The following SNRNP200 variants were observed in gnomAD, a reference collection of about 807,000 sequenced individuals.
SNRNP200 encodes the protein U5 small nuclear ribonucleoprotein 200 kDa helicase.
Under a neutral mutation model 255.2 loss-of-function variants are expected in SNRNP200, and 66 were observed. That is an observed-to-expected ratio of 0.26 (90% CI 0.21 to 0.32). The LOEUF (loss-of-function observed/expected upper bound fraction) is 0.32. Ranked by LOEUF, SNRNP200 falls within the 10% of genes least tolerant of loss-of-function variation. The pLI is 1.00. For synonymous variants in SNRNP200, 939 were observed against 1,027.8 expected (o/e 0.91, Z 1.65); for missense variants, 1,585 against 2,749.8 (o/e 0.58, Z 9.47).
Position 96,290,847 on chromosome 2 carries a change from C to T in SNRNP200, c.2422-32G>A. The T allele has an allele frequency of 6.2e-7, 1 of 1,613,808 alleles. No homozygotes were observed. Among genetic ancestry groups the T allele is most frequent in the African/African-American group, 1.3e-5 (1 of 75,042 alleles). On this transcript the variant is annotated intron_variant, in intron 18 of 44. Transcript: ENST00000323853. The surrounding 1 kb of genome is among the most constrained non-coding windows in gnomAD (Gnocchi z 4.5). The stretch of plus-strand genomic sequence containing the variant: ...AGGCAAAACAAGGTAATGAGGAGAA[C>T]AGATGCCATCACCAGGGGTTAATAT...
chr2:96,287,185 G>GCT lies in SNRNP200; in HGVS notation c.3485-27_3485-26dup. The GCT allele has an allele frequency of 6.2e-7, 1 of 1,614,046 alleles. No homozygotes were observed. Among genetic ancestry groups the GCT allele is most frequent in the Non-Finnish European group, 8.5e-7 (1 of 1,179,944 alleles). On this transcript the variant is annotated intron_variant, in intron 26 of 44. Coordinates refer to ENST00000323853, the MANE Select transcript of SNRNP200 (RefSeq NM_014014.5). This position sits in a 1 kb window ranked among gnomAD's most constrained non-coding sequence, Gnocchi z 5.7. ...CCTACAAGGAAATGAGAGTACTGAGGCTGCAGCCCAGCCTGCCTACTATAC... is the reference window on the plus strand; with the variant it reads ...CCTACAAGGAAATGAGAGTACTGAGGCTCTGCAGCCCAGCCTGCCTACTATAC...
At position 96,275,207 on chromosome 2, in the gene SNRNP200, C is replaced by T. The variant is rs114931409; in HGVS notation, c.6267+50G>A. On this transcript the variant is annotated intron_variant, in intron 44 of 44. Coordinates refer to ENST00000323853, the MANE Select transcript of SNRNP200 (RefSeq NM_014014.5). ...TGAGCATGGACACAGGAAGCATTCT[C>T]ACCCTTCCCCCATGCCAGAACAAAT... 293 of 1,614,156 alleles carry T rather than the reference C, an allele frequency of 1.8e-4. No individual in the cohort carries two copies. The African/African-American group carries it at 3.7e-3, about 20-fold the overall frequency.
In SNRNP200 at chr2:96,289,069, C is replaced by G; in HGVS notation, c.3142G>C (p.Val1048Leu). The change falls in exon 23 of 45, where the codon GTA becomes CTA. Residue 1048 changes from valine (V) to leucine (L), a missense_variant. By Grantham distance (32) the Val-to-Leu change is conservative (BLOSUM62 1). Around this residue, in one of 9 missense-constraint regions of SNRNP200, gnomAD observed 719 missense variants for 1,091.1 expected, o/e 0.66. Transcript: ENST00000323853. ...CTGGGTTCCTCAATGCTCTCCTTTA[C>G]AGGGATAGGCACCCTCTCCAGCAAC... ...QKLLERVPIP[V>L]KESIEEPSAK... The G allele has an allele frequency of 6.2e-7, 1 of 1,613,142 alleles. No individual in the cohort carries two copies. Among genetic ancestry groups the G allele is most frequent in the Non-Finnish European group, 8.5e-7 (1 of 1,179,634 alleles).
At chr2:96,299,015 G>C (rs375684008) in intron 6 of SNRNP200, 48 bp from the exon 7 acceptor site, 1 of 1,609,720 alleles carries the variant, frequency 6.2e-7, no homozygotes. Flanking sequence ...TGCCAGCCTC[G>C]ATCACTTTGC....
At chr2:96,303,354 T>G in intron 2 of SNRNP200, 24 bp from the exon 3 acceptor site, 2 of 1,613,904 alleles carry the variant, frequency 1.2e-6, no homozygotes, top group African/African-American at 2.7e-5. Flanking sequence ...AATGTGATAT[T>G]GAATGGCAGA....
rs1049414980 is a variant in SNRNP200, at chr2:96,287,611, C to A, written c.3366-54G>T. 4.6e-6 allele frequency: 6 copies of A among 1,304,686 alleles called. No homozygotes were observed. Among genetic ancestry groups the A allele is most frequent in the African/African-American group, 2.9e-5 (2 of 68,900 alleles). 80.8% of individuals were successfully genotyped at this position (1,304,686 alleles called of 1,614,324 possible). On this transcript the variant is annotated intron_variant, in intron 25 of 44. Coordinates refer to ENST00000323853, the MANE Select transcript of SNRNP200 (RefSeq NM_014014.5). This position sits in a 1 kb window ranked among gnomAD's most constrained non-coding sequence, Gnocchi z 5.7. ...TCCCTTCTGCAGGGATGTGACAAAC[C>A]ACCCACTTCATGGCTTCCAATAGTT...
Position 96,287,096 on chromosome 2 carries a change from C to T in SNRNP200, c.3549G>A (p.Lys1183=), listed in dbSNP as rs1178663258. The change falls in exon 27 of 45, where the codon AAG becomes AAA. Residue 1183 remains lysine, a synonymous_variant. Transcript: ENST00000323853. This position sits in a 1 kb window ranked among gnomAD's most constrained non-coding sequence, Gnocchi z 5.7. ...GCTGCAGGTGCACTGACAACTCCAA[C>T]TTGGGAAACAGATGGACATATTTGT... The part of the protein sequence containing the change: ...TIHKYVHLFP[K]LELSVHLQPI... The T allele has an allele frequency of 1.2e-6, 2 of 1,614,138 alleles. No homozygotes were observed. The highest frequency in any genetic ancestry group is 2.2e-5 in the South Asian group (2 of 91,082).
At position 96,274,523 on chromosome 2, in the gene SNRNP200, T is replaced by C; in HGVS notation, c.*489A>G. 1 of 210,100 alleles carries C rather than the reference T, an allele frequency of 4.8e-6. No individual in the cohort carries two copies. The highest frequency in any genetic ancestry group is 9.8e-6 in the Non-Finnish European group (1 of 102,530). The allele number at this position is 210,100 out of a possible 1,614,324, so 13.0% of individuals were successfully genotyped here. A position where few individuals can be genotyped will look rare whatever the true frequency, so the allele number is the denominator to read the frequency against. ...TCTTGTGGTAGTGCTGATGTGTGGG[T>C]ACCACTGAGGCCAGGCCACAGTCGC... On this transcript the variant is annotated 3_prime_UTR_variant, in exon 45 of 45. Transcript: ENST00000323853.
intron 14 of SNRNP200, among the ~76,000 whole-genome samples, chr2:96,294,492 T>C (rs1351089681): frequency 6.6e-6 from 1 of 151,634 alleles, no homozygotes; most frequent in African/African-American, 2.4e-5. Flanking sequence ...GCAGCCCCTA[T>C]TGCAAATACT....
At position 96,278,404 on chromosome 2, in the gene SNRNP200, AG is replaced by A; in HGVS notation, c.5489-47del. The A allele has an allele frequency of 6.2e-7, 1 of 1,613,832 alleles. No homozygotes were observed. The highest frequency in any genetic ancestry group is 8.5e-7 in the Non-Finnish European group (1 of 1,180,026). On this transcript the variant is annotated intron_variant, in intron 38 of 44. Transcript: ENST00000323853. The surrounding 1 kb of genome is among the most constrained non-coding windows in gnomAD (Gnocchi z 6.9). ...GAGAGAAGCTAAAACCAGGCAGAGA[AG>A]GAGCAGAACTGCCCGGGCTCCCCTG...
At chr2:96,282,809 T>G in intron 34 of SNRNP200, 1 of 326,124 alleles carries the variant, frequency 3.1e-6, no homozygotes, top group Non-Finnish European at 6.0e-6. Context: ...CAGAACTGAG[T>G]CAATTAAACC....
Position 96,278,781 on chromosome 2 carries a change from G to A in SNRNP200, c.5323+28C>T. 1.2e-6 allele frequency: 2 copies of A among 1,614,146 alleles called. No individual in the cohort carries two copies. Among genetic ancestry groups the A allele is most frequent in the Non-Finnish European group, 1.7e-6 (2 of 1,180,014 alleles). ...GCAAAGACTGTGAGAACCACCAAAG[G>A]ATCACGTGTGCTCCCAAGCCCACTG... is the stretch of plus-strand genomic sequence containing the variant. On this transcript the variant is annotated intron_variant, in intron 37 of 44. Coordinates refer to ENST00000323853, the MANE Select transcript of SNRNP200 (RefSeq NM_014014.5). The surrounding 1 kb of genome is among the most constrained non-coding windows in gnomAD (Gnocchi z 6.9).
rs1470474482 is a variant in SNRNP200 at position 96,291,309 on chromosome 2, G to A, written c.2421+83C>T. The stretch of plus-strand genomic sequence containing the variant: ...TGGGCCAGAAGCAATAAAGTACCAG[G>A]AGCAAACATGGCACAAACTTGACAT... On this transcript the variant is annotated intron_variant, in intron 18 of 44. Coordinates refer to ENST00000323853, the MANE Select transcript of SNRNP200 (RefSeq NM_014014.5). This position sits in a 1 kb window ranked among gnomAD's most constrained non-coding sequence, Gnocchi z 4.2. The A allele has an allele frequency of 2.3e-6, 2 of 852,526 alleles. No homozygotes were observed. The highest frequency in any genetic ancestry group is 3.3e-5 in the African/African-American group (2 of 60,420). 52.8% of individuals were successfully genotyped at this position (852,526 alleles called of 1,614,324 possible).
At chr2:96,275,426 C>A (rs999139964) in intron 43 of SNRNP200, 77 bp from the exon 44 acceptor site, 1 of 1,235,052 alleles carries the variant, frequency 8.1e-7, no homozygotes, top group African/African-American at 1.5e-5. Context: ...GGTACAGTTA[C>A]AAAAGAGAGA....
At chr2:96,301,774 A>C in intron 3 of SNRNP200, 58 bp from the exon 4 acceptor site, 1 of 1,590,764 alleles carries the variant, frequency 6.3e-7, no homozygotes, top group Non-Finnish European at 8.6e-7. Flanking sequence ...AACATCTTCA[A>C]CCAGGTGTAT....
chr2:96,305,500 C>G lies in SNRNP200; in HGVS notation c.-63G>C. On this transcript the variant is annotated 5_prime_UTR_variant, in exon 1 of 45. Coordinates refer to ENST00000323853, the MANE Select transcript of SNRNP200 (RefSeq NM_014014.5). ...CCCTACCGCAAGCTGCAAACGGCCG[C>G]AGATCTCTGCTCCCGCCGCGCCGGA... is the stretch of plus-strand genomic sequence containing the variant. 6.2e-7 allele frequency: 1 copy of G among 1,605,686 alleles called. No individual in the cohort carries two copies. The highest frequency in any genetic ancestry group is 2.2e-5 in the East Asian group (1 of 44,836).
Position 96,279,509 on chromosome 2 carries a change from T to C in SNRNP200, c.5075A>G (p.Asn1692Ser), listed in dbSNP as rs1667549989. The change falls in exon 36 of 45, where the codon AAC becomes AGC. Residue 1692 changes from asparagine (N) to serine (S), a missense_variant. Asn to Ser is a conservative substitution (Grantham distance 46). Transcript: ENST00000323853. ...YDVLQMVGHA[N>S]RPLQDDEGRC... ...CCCCTCATCGTCCTGCAAAGGGCGG[T>C]TGGCGTGGCCCACCATCTGAAGCAC... 1.9e-6 allele frequency: 3 copies of C among 1,614,136 alleles called. No homozygotes were observed. The highest frequency in any genetic ancestry group is 1.7e-5 in the Admixed American group (1 of 60,028).
intron 3 of SNRNP200, 72 bp downstream of exon 3, chr2:96,303,087 C>T: frequency 6.6e-7 from 1 of 1,514,968 alleles, no homozygotes; most frequent in Non-Finnish European, 9.2e-7. Context: ...TCGAAGATTC[C>T]AAGGATCTTA....
At position 96,285,327 on chromosome 2, in the gene SNRNP200, T is replaced by G; in HGVS notation, c.4017A>C (p.Val1339=). Residue 1339 remains valine (V), a synonymous_variant, in exon 30 of 45, where the codon GTA becomes GTC. Transcript: ENST00000323853. ...CAAACACGTTGTCGTCACTGTTGTA[T>G]ACAGTGTTAAACACTGGAAACCAAC... ...NPIQTQVFNT[V]YNSDDNVFVG... is the part of the protein sequence containing the mutation. 6.2e-7 allele frequency: 1 copy of G among 1,614,106 alleles called. No individual in the cohort carries two copies. The highest frequency in any genetic ancestry group is 8.5e-7 in the Non-Finnish European group (1 of 1,180,008).
Sources: gnomAD v4.1 joint callset for allele counts (sites outside exome capture counted in the v4.1 genomes callset) on GRCh38, gnomAD v4.1.1 for gene constraint, gnomAD v4.1.1 regional missense constraint, Gnocchi (gnomAD v3.1) non-coding constraint, MANE v1.5 for transcripts, NCBI Gene and HGNC (gene_info 2026-07-23, HGNC 2026-07-21) for gene names.